CFAP77: variants seen among roughly 807,000 people sequenced by gnomAD.
CFAP77 encodes cilia- and flagella-associated protein 77.
In CFAP77, 25 loss-of-function variants were observed where a neutral mutation model predicts 31.1. The ratio of observed to expected loss-of-function variants is 0.80; its 90% confidence interval spans 0.59 to 1.12. CFAP77 has a LOEUF of 1.12. CFAP77 is among the 50% of genes most tolerant of loss of function. The probability of loss-of-function intolerance (pLI) is 0.00; values close to 1 mark genes in which losing one functional copy is unlikely to be tolerated. For synonymous variants in CFAP77, 151 were observed against 159.9 expected, an observed-to-expected ratio of 0.94 and a Z score of 0.42; for missense variants, 377 against 397.3, an observed-to-expected ratio of 0.95 and a Z score of 0.44.
At chr9:132,473,972 C>A (rs552132516) in intron 1 of CFAP77, among the ~76,000 whole-genome samples, 41 of 152,308 alleles carry the variant, frequency 2.7e-4, no homozygotes, top group Middle Eastern at 3.4e-3. Flanking sequence ...CGTGAGCCAC[C>A]GCGCCTGGGC....
At chr9:132,540,802 G>A (rs1016611190) in intron 4 of CFAP77, among the ~76,000 whole-genome samples, 3 of 152,106 alleles carry the variant, frequency 2.0e-5, no homozygotes, top group Non-Finnish European at 4.4e-5. Context: ...GGCACCTCTC[G>A]AATGAGGGTC....
At chr9:132,418,707 C>T (rs6597575) in intron 1 of CFAP77, among the ~76,000 whole-genome samples, 1 of 152,084 alleles carries the variant, frequency 6.6e-6, no homozygotes. Context: ...GCAATCCATA[C>T]AGTGTGGCTC....
chr9:132,491,070 C>T (rs968154203), intron 1 of CFAP77, among the ~76,000 whole-genome samples: 2 of 152,100 alleles, frequency 1.3e-5, no homozygotes, highest in Admixed American at 1.3e-4. Context: ...TCGGTGCCTG[C>T]CTGGTGCCCT....
chr9:132,535,068 C>A (rs56237108), intron 3 of CFAP77, among the ~76,000 whole-genome samples: 6,543 of 152,266 alleles, frequency 0.043, 457 homozygotes, highest in African/African-American at 0.15. Flanking sequence ...GTGCTCACTG[C>A]TACTGAGTTG....
At chr9:132,445,355 T>C (rs908257330) in intron 1 of CFAP77, among the ~76,000 whole-genome samples, 1 of 152,240 alleles carries the variant, frequency 6.6e-6, no homozygotes, top group East Asian at 1.9e-4. Context: ...TTTGTGTTTT[T>C]GTGTCTGGCC....
Position 132,498,229 on chromosome 9 carries a change from C to G in CFAP77, c.196-466C>G, listed in dbSNP as rs1009850236. On this transcript the variant is annotated intron_variant, in intron 1 of 5. Coordinates refer to ENST00000393216, the MANE Select transcript of CFAP77 (RefSeq NM_001282957.2). This position sits in a 1 kb window ranked among gnomAD's most constrained non-coding sequence, Gnocchi z 4.2. ...GAGGAAGTGACTCCCTCATGTGCTA[C>G]AGTGACAATGGTTTGAGTGGTCCCT... 6.6e-6 allele frequency among the ~76,000 whole-genome samples: 1 copy of G among 152,108 alleles called. No individual in the cohort carries two copies. The highest frequency in any genetic ancestry group is 1.5e-5 in the Non-Finnish European group (1 of 68,026).
intron 3 of CFAP77, among the ~76,000 whole-genome samples, chr9:132,515,933 GC>G (rs1564236661): frequency 6.6e-6 from 1 of 152,138 alleles, no homozygotes; most frequent in African/African-American, 2.4e-5. Context: ...AGAGAGAGAG[GC>G]ACCAAGTATT....
chr9:132,492,115 C>A (rs1851662111), intron 1 of CFAP77, among the ~76,000 whole-genome samples: 1 of 152,116 alleles, frequency 6.6e-6, no homozygotes, highest in Non-Finnish European at 1.5e-5. Flanking sequence ...TAGTGAGACC[C>A]CATCTCTACA....
chr9:132,504,462 T>G (rs2118977666), intron 3 of CFAP77, among the ~76,000 whole-genome samples: 1 of 152,374 alleles, frequency 6.6e-6, no homozygotes, highest in East Asian at 1.9e-4. Flanking sequence ...TAAATGGGCT[T>G]TGCATATGCA....
chr9:132,415,541 G>T (rs79719149), intron 1 of CFAP77, among the ~76,000 whole-genome samples: 6,628 of 152,258 alleles, frequency 0.044, 185 homozygotes, highest in African/African-American at 0.066. Flanking sequence ...CAGCACTCAG[G>T]TTCCTCCTGT....
chr9:132,439,848 C>CAAAA (rs1225152331), intron 1 of CFAP77, among the ~76,000 whole-genome samples: 3 of 44,610 alleles, frequency 6.7e-5, no homozygotes, highest in Admixed American at 2.3e-4. Flanking sequence ...GACTCCGTCT[C>CAAAA]AAAAAAAAAA....
chr9:132,431,309 T>C (rs1343611472), intron 1 of CFAP77, among the ~76,000 whole-genome samples: 1 of 152,166 alleles, frequency 6.6e-6, no homozygotes, highest in Non-Finnish European at 1.5e-5. Context: ...AGAACATAAA[T>C]AATCCAGAGT....
intron 3 of CFAP77, among the ~76,000 whole-genome samples, chr9:132,523,358 G>A (rs1852303373): frequency 6.6e-6 from 1 of 152,110 alleles, no homozygotes; most frequent in African/African-American, 2.4e-5. Flanking sequence ...CAAAGTGCTG[G>A]GATTACAGAT....
chr9:132,546,609 C>T lies in CFAP77; in HGVS notation c.732+3562C>T, dbSNP rs572705955. Among the ~76,000 whole-genome samples, 6 of 152,368 alleles carry T rather than the reference C, an allele frequency of 3.9e-5. No homozygotes were observed. In the East Asian group the frequency reaches 9.6e-4, roughly 24 times the overall value. ...CTGCCAGAGGGGCTGCCGAGACCCC[C>T]GCGCTGGATGACCCGGGCCACTTAC... is the stretch of plus-strand genomic sequence containing the variant. On this transcript the variant is annotated intron_variant, in intron 5 of 5. Coordinates refer to ENST00000393216, the MANE Select transcript of CFAP77 (RefSeq NM_001282957.2).
At chr9:132,543,885 C>T (rs763458032) in intron 5 of CFAP77, among the ~76,000 whole-genome samples, 2 of 152,118 alleles carry the variant, frequency 1.3e-5, no homozygotes, top group African/African-American at 2.4e-5. Context: ...CCGGGGGCAC[C>T]GTACGGAGAA....
intron 1 of CFAP77, among the ~76,000 whole-genome samples, chr9:132,436,383 GATCTC>G (rs1174493173): frequency 6.6e-6 from 1 of 152,120 alleles, no homozygotes; most frequent in African/African-American, 2.4e-5. Flanking sequence ...CATCCAGGAT[GATCTC>G]ATCTCAAGAT....
intron 1 of CFAP77, among the ~76,000 whole-genome samples, chr9:132,421,945 G>A (rs920482254): frequency 6.6e-6 from 1 of 152,080 alleles, no homozygotes; most frequent in African/African-American, 2.4e-5. Flanking sequence ...AATGTTTATT[G>A]AGGAGCTGTT....
At position 132,451,807 on chromosome 9, in the gene CFAP77, CTT is replaced by C. The variant is rs374213873; in HGVS notation, c.195+41354_195+41355del. The stretch of plus-strand genomic sequence containing the variant: ...AGATTTTCTTTTTTCTTTTTCTTTT[CTT>C]TTTTTTTTTTTTCCAGAAGGAGTCT... On this transcript the variant is annotated intron_variant, in intron 1 of 5. Coordinates refer to ENST00000393216, the MANE Select transcript of CFAP77 (RefSeq NM_001282957.2). 1.5e-3 allele frequency among the ~76,000 whole-genome samples: 215 copies of C among 141,706 alleles called. 4 individuals are homozygous for C. The East Asian group carries it at 0.031, about 21-fold the overall frequency. The allele number at this position is 141,706 out of a possible 152,430, so 93.0% of individuals were successfully genotyped here.
At position 132,552,811 on chromosome 9, in the gene CFAP77, A is replaced by G. The variant is rs561750292; in HGVS notation, c.732+9764A>G. Reference sequence around the variant, plus strand: ...GCCAGCTGCCCCAGCTCTCAGGGTCAGTGTCAACTCCACTCTTACAGTTAC... The same window carrying G: ...GCCAGCTGCCCCAGCTCTCAGGGTCGGTGTCAACTCCACTCTTACAGTTAC... On this transcript the variant is annotated intron_variant, in intron 5 of 5. Coordinates refer to ENST00000393216, the MANE Select transcript of CFAP77 (RefSeq NM_001282957.2). This position sits in a 1 kb window ranked among gnomAD's most constrained non-coding sequence, Gnocchi z 5.5. Among the ~76,000 whole-genome samples, 15 of 152,096 alleles carry G rather than the reference A, an allele frequency of 9.9e-5. No homozygotes were observed. The highest frequency in any genetic ancestry group is 2.1e-4 in the Non-Finnish European group (14 of 68,016).
Sources: gnomAD v4.1 joint callset for allele counts (sites outside exome capture counted in the v4.1 genomes callset) on GRCh38, gnomAD v4.1.1 for gene constraint, Gnocchi (gnomAD v3.1) non-coding constraint, MANE v1.5 for transcripts, NCBI Gene and HGNC (gene_info 2026-07-23, HGNC 2026-07-21) for gene names.